Variants in CD226 observed in about 807,000 individuals in gnomAD.
The protein encoded by CD226 is CD226 molecule.
A neutral mutation model predicts 34.9 loss-of-function variants in CD226; 24 were observed. That is an observed-to-expected ratio of 0.69 (90% confidence interval 0.50 to 0.97). The LOEUF (loss-of-function observed/expected upper bound fraction) is 0.97. Among genes scored for constraint, CD226 ranks in the 50% least tolerant of loss-of-function variants. The pLI, the probability that CD226 is intolerant of heterozygous loss-of-function variation, is 0.00. For synonymous variants in CD226, 148 were observed against 147.4 expected, an observed-to-expected ratio of 1.00 and a Z score of -0.03; for missense variants, 397 against 412.7, an observed-to-expected ratio of 0.96 and a Z score of 0.33.
intron 4 of CD226, among the ~76,000 whole-genome samples, chr18:69,872,567 A>C (rs1424991023): frequency 2.0e-5 from 3 of 152,204 alleles, no homozygotes; most frequent in Non-Finnish European, 4.4e-5. Context: ...AGATTAAAAA[A>C]AATTTAGTAT....
chr18:69,908,203 G>A lies in CD226; in HGVS notation c.383-12158C>T, dbSNP rs370611033. On this transcript the variant is annotated intron_variant, in intron 2 of 5. Coordinates refer to ENST00000582621, the MANE Select transcript of CD226 (RefSeq NM_001303618.2). Reference sequence around the variant, plus strand: ...CTGCACTTGCAAAATATAAACTGTCGTGTTTTCTATTTCTGTGGCTATGTC... The same window carrying A: ...CTGCACTTGCAAAATATAAACTGTCATGTTTTCTATTTCTGTGGCTATGTC... 5.3e-5 allele frequency among the ~76,000 whole-genome samples: 8 copies of A among 152,208 alleles called. No individual in the cohort carries two copies. In the East Asian group the frequency reaches 5.8e-4, roughly 11 times the overall value.
At chr18:69,886,462 T>G (rs952385706) in intron 3 of CD226, among the ~76,000 whole-genome samples, 3 of 152,160 alleles carry the variant, frequency 2.0e-5, no homozygotes, top group African/African-American at 7.2e-5. Context: ...TCCCGGCACT[T>G]TGGAAGGCCG....
chr18:69,943,235 G>A (rs937068929), intron 2 of CD226, among the ~76,000 whole-genome samples: 3 of 152,170 alleles, frequency 2.0e-5, no homozygotes, highest in African/African-American at 7.2e-5. Context: ...CATTCTGAGT[G>A]GGTCACTCAT....
chr18:69,959,595 C>A (rs2055919949), upstream of CD226, among the ~76,000 whole-genome samples: 1 of 152,022 alleles, frequency 6.6e-6, no homozygotes, highest in Non-Finnish European at 1.5e-5. Flanking sequence ...TCAAGGTGAC[C>A]CGAGTTTCTC....
In CD226 at chr18:69,890,124, A is replaced by T. The variant is rs1984802942; in HGVS notation, c.727+5577T>A. On this transcript the variant is annotated intron_variant, in intron 3 of 5. Transcript: ENST00000582621. ...TGAAGAAAAAAAATCTGGAAAGAAA[A>T]GAGGTAGAAAACTTAAAATTAAAAT... 2.0e-5 allele frequency among the ~76,000 whole-genome samples: 3 copies of T among 152,356 alleles called. No individual in the cohort carries two copies. In the South Asian group the frequency reaches 6.2e-4, roughly 32 times the overall value.
intron 2 of CD226, among the ~76,000 whole-genome samples, chr18:69,946,284 AAAAG>A (rs948311022): frequency 1.2e-4 from 18 of 151,796 alleles, no homozygotes; most frequent in African/African-American, 4.3e-4. Flanking sequence ...AAGAAAGAGA[AAAAG>A]AAAGAAAGAA....
intron 2 of CD226, among the ~76,000 whole-genome samples, chr18:69,926,299 T>C (rs2145321400): frequency 6.6e-6 from 1 of 152,198 alleles, no homozygotes; most frequent in African/African-American, 2.4e-5. Context: ...TCTCGGGACC[T>C]TTGCACTTGC....
Position 69,947,381 on chromosome 18 carries a change from G to C in CD226, c.26C>G (p.Ala9Gly). Residue 9 changes from alanine to glycine, a missense_variant, in exon 1 of 6, where the codon GCT (alanine) becomes GGT (glycine). By Grantham distance (60) the Ala-to-Gly change is moderately conservative. Coordinates refer to ENST00000582621, the MANE Select transcript of CD226 (RefSeq NM_001303618.2). Reference protein sequence around the residue: MDYPTLLLALLHVYRALCE... With the variant: MDYPTLLLGLLHVYRALCE... ...TTTACCTCTGTATACATGAAGAAGA[G>C]CCAAAAGTAAAGTAGGATAATCCAT... is the stretch of plus-strand genomic sequence containing the variant. 6.3e-7 allele frequency: 1 copy of C among 1,585,278 alleles called. No homozygotes were observed. Among genetic ancestry groups the C allele is most frequent in the Non-Finnish European group, 8.6e-7 (1 of 1,166,138 alleles).
intron 3 of CD226, among the ~76,000 whole-genome samples, chr18:69,874,910 C>T (rs780569953): frequency 6.6e-6 from 1 of 152,102 alleles, no homozygotes; most frequent in Non-Finnish European, 1.5e-5. Context: ...GATATGATTT[C>T]CTTCTTTTTT....
intron 2 of CD226, among the ~76,000 whole-genome samples, chr18:69,938,532 G>C (rs1243358856): frequency 6.6e-6 from 1 of 152,166 alleles, no homozygotes; most frequent in Non-Finnish European, 1.5e-5. Context: ...TCAATTGTCA[G>C]CTGGTCAAAG....
intron 3 of CD226, among the ~76,000 whole-genome samples, chr18:69,877,289 C>A (rs1568162606): frequency 6.6e-6 from 1 of 152,112 alleles, no homozygotes; most frequent in East Asian, 1.9e-4. Context: ...AGTTTAATAT[C>A]AAGGATATTG....
At chr18:69,909,833 T>C (rs2055302555) in intron 2 of CD226, among the ~76,000 whole-genome samples, 2 of 152,236 alleles carry the variant, frequency 1.3e-5, no homozygotes, top group South Asian at 2.1e-4. Flanking sequence ...GCATTACATA[T>C]GTGAAGATGA....
At chr18:69,955,511 C>T (rs143959183) in intron 1 of CD226, among the ~76,000 whole-genome samples, 25 of 152,152 alleles carry the variant, frequency 1.6e-4, no homozygotes, top group Middle Eastern at 3.4e-3. Context: ...TTCTCAGATG[C>T]GAGGGTTTGC....
At chr18:69,928,757 G>T (rs780706270) in intron 2 of CD226, among the ~76,000 whole-genome samples, 1 of 152,170 alleles carries the variant, frequency 6.6e-6, no homozygotes, top group Non-Finnish European at 1.5e-5. Context: ...TTGGATTTTG[G>T]AGCATTTCAG....
chr18:69,924,586 C>T (rs2055496732), intron 2 of CD226, among the ~76,000 whole-genome samples: 1 of 136,810 alleles, frequency 7.3e-6, no homozygotes, highest in Non-Finnish European at 1.5e-5. Flanking sequence ...TTTGAAAGTC[C>T]AGGGAAAATA....
At chr18:69,899,784 G>C (rs549612449) in intron 2 of CD226, among the ~76,000 whole-genome samples, 2 of 152,324 alleles carry the variant, frequency 1.3e-5, no homozygotes, top group African/African-American at 4.8e-5. Flanking sequence ...CATTACAGAT[G>C]CTGGTGAGGT....
In CD226 at chr18:69,892,592, T is replaced by C. The variant is rs75063321; in HGVS notation, c.727+3109A>G. On this transcript the variant is annotated intron_variant, in intron 3 of 5. Transcript: ENST00000582621. ...CTCAGCAAAGAAAGTCAGTGGTAAA[T>C]GTGAGTTCAGTTCTTGCTTCTGCCA... 5.9e-3 allele frequency among the ~76,000 whole-genome samples: 898 copies of C among 152,286 alleles called. 10 individuals carry two copies. Among genetic ancestry groups the C allele is most frequent in the African/African-American group, 0.02 (852 of 41,564 alleles).
chr18:69,878,158 A>G (rs910418126), intron 3 of CD226, among the ~76,000 whole-genome samples: 1 of 152,220 alleles, frequency 6.6e-6, no homozygotes, highest in Non-Finnish European at 1.5e-5. Flanking sequence ...CTTTTCTTTA[A>G]AAAGGAAGCC....
chr18:69,915,405 T>C (rs995012696), intron 2 of CD226, among the ~76,000 whole-genome samples: 1 of 152,142 alleles, frequency 6.6e-6, no homozygotes, highest in Non-Finnish European at 1.5e-5. Context: ...AACAGCCCCA[T>C]TAAAATTGTA....
Sources: gnomAD v4.1 joint callset for allele counts (sites outside exome capture counted in the v4.1 genomes callset) on GRCh38, gnomAD v4.1.1 for gene constraint, MANE v1.5 for transcripts, NCBI Gene and HGNC (gene_info 2026-07-23, HGNC 2026-07-21) for gene names.